Variants in MBD5 observed in about 807,000 individuals in gnomAD.
MBD5 encodes methyl-CpG-binding domain protein 5.
MBD5 carries 13 observed loss-of-function variants against 117.3 expected under a neutral mutation model. The ratio of observed to expected loss-of-function variants is 0.11; its 90% CI spans 0.07 to 0.18. The LOEUF (loss-of-function observed/expected upper bound fraction) is 0.18. Among genes scored for constraint, MBD5 ranks in the 10% least tolerant of loss-of-function variants. The pLI is 1.00. For synonymous variants in MBD5, 727 were observed against 766.4 expected (o/e 0.95, Z 0.85); for missense variants, 1,879 against 2,093.8 (o/e 0.90, Z 2.00).
chr2:148,177,164 G>A (rs975830197), intron 1 of MBD5, among the ~76,000 whole-genome samples: 1 of 152,128 alleles, frequency 6.6e-6, no homozygotes. Context: ...TATCTTTAAA[G>A]ATTAGAAATA....
chr2:148,112,945 G>C (rs1032006283), intron 1 of MBD5, among the ~76,000 whole-genome samples: 2 of 152,142 alleles, frequency 1.3e-5, no homozygotes, highest in Admixed American at 1.3e-4. Flanking sequence ...CCAGGGGTTT[G>C]AGTTTGAGTT....
intron 2 of MBD5, among the ~76,000 whole-genome samples, chr2:148,230,537 A>T (rs1558982717): frequency 6.6e-6 from 1 of 151,434 alleles, no homozygotes; most frequent in Non-Finnish European, 1.5e-5. Flanking sequence ...TGGTGCTCTG[A>T]CCCCTGTGGC....
At chr2:148,153,777 G>C (rs1216802309) in intron 1 of MBD5, among the ~76,000 whole-genome samples, 1 of 141,554 alleles carries the variant, frequency 7.1e-6, no homozygotes, top group East Asian at 2.1e-4. Flanking sequence ...TCGAGCCTTG[G>C]TTTTCAGCTC....
Position 148,224,777 on chromosome 2 carries a change from G to GT in MBD5, c.-830-8461dup, listed in dbSNP as rs140633015. Among the ~76,000 whole-genome samples, 135 of 151,524 alleles carry GT rather than the reference G, an allele frequency of 8.9e-4. 2 individuals carry two copies. The highest frequency in any genetic ancestry group is 1.7e-3 in the Non-Finnish European group (114 of 67,838). On this transcript the variant is annotated intron_variant, in intron 2 of 13. Coordinates refer to ENST00000642680, the MANE Select transcript of MBD5 (RefSeq NM_001378120.1). ...TATGTATTTAAAATTGTTTTGTTTT[G>GT]TTTTTTTGCTGAATTGACCCCTTTA...
At chr2:148,425,031 C>T (rs902381137) in intron 4 of MBD5, among the ~76,000 whole-genome samples, 2 of 152,018 alleles carry the variant, frequency 1.3e-5, no homozygotes, top group African/African-American at 2.4e-5. Flanking sequence ...AAATAACTAA[C>T]ATCAGAGCAG....
At chr2:148,238,620 AG>A (rs1239414042) in intron 3 of MBD5, among the ~76,000 whole-genome samples, 1 of 152,174 alleles carries the variant, frequency 6.6e-6, no homozygotes, top group Non-Finnish European at 1.5e-5. Flanking sequence ...AAATAACGAA[AG>A]TTTATTCTCT....
intron 4 of MBD5, among the ~76,000 whole-genome samples, chr2:148,407,339 A>C (rs1180968198): frequency 1.4e-5 from 2 of 140,106 alleles, no homozygotes; most frequent in Non-Finnish European, 3.2e-5. Context: ...TGGCTTTCTG[A>C]GTGTGTGTGT....
chr2:148,309,348 T>G (rs1701971938), intron 3 of MBD5, among the ~76,000 whole-genome samples: 1 of 152,178 alleles, frequency 6.6e-6, no homozygotes, highest in African/African-American at 2.4e-5. Flanking sequence ...GGTTTGTAAT[T>G]CTCCCTGAAG....
At position 148,485,876 on chromosome 2, in the gene MBD5, G is replaced by A; in HGVS notation, c.3679G>A (p.Ala1227Thr). ...QLLQGYQNLQAFQGQSTIPCP... is the reference protein window; with the variant it reads ...QLLQGYQNLQTFQGQSTIPCP... ...TCTCCAGGGGTACCAGAATCTCCAG[G>A]CGTTCCAAGGACAGTCCACAATTCC... Residue 1227 changes from alanine to threonine, a missense_variant, in exon 10 of 14, where the codon GCG (alanine) becomes ACG (threonine). Ala to Thr is a moderately conservative substitution (Grantham distance 58, BLOSUM62 0). Transcript: ENST00000642680. 6.2e-7 allele frequency: 1 copy of A among 1,614,068 alleles called. No individual in the cohort carries two copies. Among genetic ancestry groups the A allele is most frequent in the South Asian group, 1.1e-5 (1 of 91,072 alleles).
intron 4 of MBD5, among the ~76,000 whole-genome samples, chr2:148,382,265 C>T (rs2105445928): frequency 6.6e-6 from 1 of 151,632 alleles, no homozygotes; most frequent in African/African-American, 2.4e-5. Context: ...GGAAGATCTA[C>T]CAAGCAAATG....
chr2:148,503,404 G>A (rs1183925160), intron 12 of MBD5, among the ~76,000 whole-genome samples: 4 of 152,136 alleles, frequency 2.6e-5, no homozygotes, highest in Admixed American at 2.6e-4. Context: ...TGTACATCAA[G>A]ACTTACAAAG....
At chr2:148,458,002 C>T (rs902013735) in intron 4 of MBD5, among the ~76,000 whole-genome samples, 6 of 151,820 alleles carry the variant, frequency 4.0e-5, no homozygotes, top group Admixed American at 6.6e-5. Flanking sequence ...TTGGATATGC[C>T]GAAGAGCAAG....
chr2:148,500,249 G>A (rs1681830051), intron 11 of MBD5, among the ~76,000 whole-genome samples: 2 of 151,818 alleles, frequency 1.3e-5, no homozygotes. Context: ...AAATTTTTGA[G>A]TGTGCCTGTG....
intron 1 of MBD5, among the ~76,000 whole-genome samples, chr2:148,151,720 G>T (rs1400644336): frequency 4.6e-5 from 7 of 152,186 alleles, no homozygotes; most frequent in African/African-American, 7.2e-5. Flanking sequence ...TTTTCTAGTT[G>T]ATTTGTGTAG....
chr2:148,294,506 T>TTTTTTTTTGTTTTTTTTTTTTTGTTTTG (rs1397412173), intron 3 of MBD5, among the ~76,000 whole-genome samples: 4,169 of 129,932 alleles, frequency 0.032, 243 homozygotes, highest in African/African-American at 0.061. Flanking sequence ...TTACAGTTTT[T>TTTTTTTTTGTTTTTTTTTTTTTGTTTTG]TTTTTTTTTT....
At chr2:148,113,929 A>G (rs1036993040) in intron 1 of MBD5, among the ~76,000 whole-genome samples, 1 of 152,094 alleles carries the variant, frequency 6.6e-6, no homozygotes, top group South Asian at 2.1e-4. Context: ...TTATATTGTT[A>G]CCTGATTCTT....
chr2:148,396,850 G>T lies in MBD5; in HGVS notation c.-557+54514G>T, dbSNP rs188519335. On this transcript the variant is annotated intron_variant, in intron 4 of 13. Transcript: ENST00000642680. ...CTTTTCTGACTTAGATATGATAATGGGTCTCCAATATTGCCTGTGTCAGTT... is the reference window on the plus strand; with the variant it reads ...CTTTTCTGACTTAGATATGATAATGTGTCTCCAATATTGCCTGTGTCAGTT... Among the ~76,000 whole-genome samples the T allele has an allele frequency of 8.0e-4, 121 of 152,132 alleles. 1 individual carries two copies. The highest frequency in any genetic ancestry group is 2.7e-3 in the African/African-American group (111 of 41,496).
At chr2:148,024,578 G>T (rs1693847013) in intron 1 of MBD5, among the ~76,000 whole-genome samples, 1 of 152,022 alleles carries the variant, frequency 6.6e-6, no homozygotes, top group African/African-American at 2.4e-5. Flanking sequence ...TCCATATGTG[G>T]AATTCCTTTC....
chr2:148,262,250 G>T (rs1400798514), intron 3 of MBD5, among the ~76,000 whole-genome samples: 3 of 151,966 alleles, frequency 2.0e-5, no homozygotes, highest in African/African-American at 4.8e-5. Context: ...AAAAAACAAG[G>T]TGTGCCTATA....
Sources: allele counts gnomAD v4.1 joint callset (sites outside exome capture counted in the v4.1 genomes callset), GRCh38; gene constraint gnomAD v4.1.1; transcripts MANE v1.5; gene names NCBI Gene and HGNC (gene_info 2026-07-23, HGNC 2026-07-21).